SGCZ: variants seen among roughly 807,000 people sequenced by gnomAD.
SGCZ encodes sarcoglycan zeta.
SGCZ carries 40 observed loss-of-function variants against 41.3 expected under a neutral mutation model. The ratio of observed to expected loss-of-function variants is 0.97; its 90% CI spans 0.75 to 1.26. The LOEUF is 1.26. SGCZ is among the 50% of genes most tolerant of loss of function. The pLI is 0.00. For missense variants in SGCZ, 552 were observed against 369.8 expected (o/e 1.49, Z -4.04); for synonymous variants, 206 against 137.5 (o/e 1.50, Z -3.49).
chr8:15,000,312 C>A (rs916585345), intron 1 of SGCZ, among the ~76,000 whole-genome samples: 1 of 152,106 alleles, frequency 6.6e-6, no homozygotes, highest in African/African-American at 2.4e-5. Context: ...GCAACCCTAG[C>A]AAACTTTAAA....
At chr8:14,877,926 G>C (rs978672510) in intron 1 of SGCZ, among the ~76,000 whole-genome samples, 3 of 151,660 alleles carry the variant, frequency 2.0e-5, no homozygotes, top group Non-Finnish European at 2.9e-5. Context: ...ATGTGAAATT[G>C]GGGAACTTTG....
chr8:14,997,122 C>T (rs574265759), intron 1 of SGCZ, among the ~76,000 whole-genome samples: 21 of 152,300 alleles, frequency 1.4e-4, no homozygotes, highest in African/African-American at 4.1e-4. Context: ...ATTTACTCCA[C>T]GATTGCATAT....
At chr8:15,179,055 A>G (rs1163145317) in intron 1 of SGCZ, among the ~76,000 whole-genome samples, 2 of 152,198 alleles carry the variant, frequency 1.3e-5, no homozygotes, top group African/African-American at 4.8e-5. Flanking sequence ...TATTATATCC[A>G]TGGACATAAA....
intron 1 of SGCZ, among the ~76,000 whole-genome samples, chr8:14,667,285 T>C (rs1807940369): frequency 6.6e-6 from 1 of 152,134 alleles, no homozygotes; most frequent in Non-Finnish European, 1.5e-5. Context: ...TACACTAACT[T>C]AGGAAAGTTA....
chr8:14,865,549 G>T (rs561000864), intron 1 of SGCZ, among the ~76,000 whole-genome samples: 1 of 152,104 alleles, frequency 6.6e-6, no homozygotes, highest in African/African-American at 2.4e-5. Context: ...TTTGTTCTTG[G>T]AATGCAGGTA....
At chr8:15,136,159 C>T (rs1808098178) in intron 1 of SGCZ, among the ~76,000 whole-genome samples, 1 of 152,100 alleles carries the variant, frequency 6.6e-6, no homozygotes, top group African/African-American at 2.4e-5. Context: ...CAAGACCCAC[C>T]TCTGGAGTCA....
intron 2 of SGCZ, among the ~76,000 whole-genome samples, chr8:14,443,473 A>G (rs1240622281): frequency 6.6e-6 from 1 of 152,136 alleles, no homozygotes; most frequent in Non-Finnish European, 1.5e-5. Flanking sequence ...ATATAGATCA[A>G]TGGAACAGAA....
intron 1 of SGCZ, among the ~76,000 whole-genome samples, chr8:14,771,460 A>C (rs1317637839): frequency 3.3e-5 from 5 of 152,030 alleles, no homozygotes; most frequent in Non-Finnish European, 1.5e-5. Flanking sequence ...AAAATATTTG[A>C]TTTTTTGTTT....
At chr8:15,118,170 C>T (rs1349562565) in intron 1 of SGCZ, among the ~76,000 whole-genome samples, 1 of 152,124 alleles carries the variant, frequency 6.6e-6, no homozygotes, top group African/African-American at 2.4e-5. Context: ...TTTATTTACA[C>T]AATTCAACAA....
At chr8:14,883,775 TG>T (rs1450560935) in intron 1 of SGCZ, among the ~76,000 whole-genome samples, 1,651 of 141,178 alleles carry the variant, frequency 0.012, 36 homozygotes, top group African/African-American at 0.041. Flanking sequence ...GGCATCCTGT[TG>T]TTTTTTTTTT....
chr8:14,271,561 G>A (rs1367162844), intron 3 of SGCZ, among the ~76,000 whole-genome samples: 1 of 152,138 alleles, frequency 6.6e-6, no homozygotes, highest in South Asian at 2.1e-4. Flanking sequence ...TTAGGTATTG[G>A]AACAAACCTG....
At chr8:14,208,039 G>C (rs1805675689) in intron 4 of SGCZ, among the ~76,000 whole-genome samples, 1 of 152,086 alleles carries the variant, frequency 6.6e-6, no homozygotes, top group Non-Finnish European at 1.5e-5. Context: ...AACAGAAAAT[G>C]AAGTTATTAA....
At chr8:14,633,608 C>G (rs1806730594) in intron 1 of SGCZ, among the ~76,000 whole-genome samples, 1 of 151,728 alleles carries the variant, frequency 6.6e-6, no homozygotes, top group African/African-American at 2.4e-5. Flanking sequence ...AATCCACTGA[C>G]TACAACAAAC....
At chr8:14,680,887 C>T (rs1034832029) in intron 1 of SGCZ, among the ~76,000 whole-genome samples, 1 of 132,474 alleles carries the variant, frequency 7.5e-6, no homozygotes, top group Non-Finnish European at 1.5e-5. Context: ...ATTGGACACT[C>T]AGAAGAAAAC....
rs1464978548 is a variant in SGCZ, at chr8:14,462,211, T to G, written c.234+92521A>C. Reference sequence around the variant, plus strand: ...GATTTGACATTAAGGAATTTGCACTTTTGTGAAGAAGACCTAAATATAAGC... The same window carrying G: ...GATTTGACATTAAGGAATTTGCACTGTTGTGAAGAAGACCTAAATATAAGC... On this transcript the variant is annotated intron_variant, in intron 2 of 7. Coordinates refer to ENST00000382080, the MANE Select transcript of SGCZ (RefSeq NM_139167.4). Among the ~76,000 whole-genome samples, 3 of 151,900 alleles carry G rather than the reference T, an allele frequency of 2.0e-5. No homozygotes were observed. The East Asian group carries it at 5.8e-4, about 29-fold the overall frequency.
intron 1 of SGCZ, among the ~76,000 whole-genome samples, chr8:15,014,849 T>C (rs139179974): frequency 8.1e-4 from 124 of 152,280 alleles, no homozygotes; most frequent in African/African-American, 2.8e-3. Flanking sequence ...TGAAGTTAAA[T>C]ACTGCTGCAG....
intron 1 of SGCZ, among the ~76,000 whole-genome samples, chr8:14,739,438 A>C (rs1014902669): frequency 3.3e-5 from 5 of 152,070 alleles, no homozygotes; most frequent in African/African-American, 1.2e-4. Context: ...TTTAGGTTAC[A>C]TACACACGTG....
chr8:15,060,673 A>T (rs1037545205), intron 1 of SGCZ, among the ~76,000 whole-genome samples: 6 of 34,314 alleles, frequency 1.7e-4, no homozygotes, highest in Non-Finnish European at 6.3e-4. Flanking sequence ...AAAGTATTAA[A>T]AAAAAAAAAA....
rs538311677 is a variant in SGCZ at position 15,014,175 on chromosome 8, T to G, written c.39+223410A>C. ...TGCACTGAAAACAAGCCTGGAGCAC[T>G]GTGGTAGCTGAGAAGCTACTCTAGT... On this transcript the variant is annotated intron_variant, in intron 1 of 7. Transcript: ENST00000382080. Among the ~76,000 whole-genome samples the G allele has an allele frequency of 2.7e-3, 408 of 152,304 alleles. 1 individual carries two copies. Among genetic ancestry groups the G allele is most frequent in the African/African-American group, 9.6e-3 (398 of 41,572 alleles).
Sources: gnomAD v4.1 joint callset for allele counts (sites outside exome capture counted in the v4.1 genomes callset) on GRCh38, gnomAD v4.1.1 for gene constraint, MANE v1.5 for transcripts, NCBI Gene and HGNC (gene_info 2026-07-23, HGNC 2026-07-21) for gene names.